Variants in EIPR1 observed in about 807,000 individuals in gnomAD.
The protein encoded by EIPR1 is EARP complex and GARP complex interacting protein 1.
In EIPR1, 25 loss-of-function variants were observed where a neutral mutation model predicts 48.1. The observed-to-expected ratio is 0.52, with a 90% CI of 0.38 to 0.73. The LOEUF is 0.73. EIPR1 is among the 30% of genes least tolerant of loss of function. EIPR1 has a pLI of 0.00. For synonymous variants in EIPR1, 204 were observed against 201.9 expected, an observed-to-expected ratio of 1.01 and a Z score of -0.09; for missense variants, 415 against 506.2, an observed-to-expected ratio of 0.82 and a Z score of 1.73.
chr2:3,249,111 C>A (rs375645845), intron 4 of EIPR1, among the ~76,000 whole-genome samples: 1 of 152,104 alleles, frequency 6.6e-6, no homozygotes, highest in African/African-American at 2.4e-5. Flanking sequence ...GGGTAACGAG[C>A]GGAGGTTGAA....
At chr2:3,357,357 T>C (rs1670753988) in intron 1 of EIPR1, among the ~76,000 whole-genome samples, 1 of 152,246 alleles carries the variant, frequency 6.6e-6, no homozygotes, top group Non-Finnish European at 1.5e-5. Context: ...ACCCAGTGGC[T>C]GTTGCTGGAT....
At position 3,312,370 on chromosome 2, in the gene EIPR1, G is replaced by C. The variant is rs148351710; in HGVS notation, c.259+25647C>G. Among the ~76,000 whole-genome samples, 1 of 152,172 alleles carries C rather than the reference G, an allele frequency of 6.6e-6. No homozygotes were observed. The highest frequency in any genetic ancestry group is 1.5e-5 in the Non-Finnish European group (1 of 68,034). ...GCATAAAATTGAGTTTCCTGGCAAA[G>C]ACAGTCCCTGGAAGGTTCTGTGTGC... On this transcript the variant is annotated intron_variant, in intron 3 of 8. Coordinates refer to ENST00000382125, the MANE Select transcript of EIPR1 (RefSeq NM_003310.5). This position sits in a 1 kb window ranked among gnomAD's most constrained non-coding sequence, Gnocchi z 5.5.
intron 4 of EIPR1, among the ~76,000 whole-genome samples, chr2:3,214,817 G>A (rs541072454): frequency 3.9e-5 from 6 of 152,324 alleles, no homozygotes; most frequent in African/African-American, 1.4e-4. Context: ...TTGTAAAGTT[G>A]AGAGGCCATA....
intron 4 of EIPR1, among the ~76,000 whole-genome samples, chr2:3,237,945 T>G (rs1346328839): frequency 1.3e-5 from 2 of 152,044 alleles, no homozygotes; most frequent in Non-Finnish European, 2.9e-5. Context: ...CCACGGGGAT[T>G]TGAGAAATCC....
intron 3 of EIPR1, among the ~76,000 whole-genome samples, chr2:3,292,884 T>C (rs1456473250): frequency 7.0e-6 from 1 of 143,762 alleles, no homozygotes; most frequent in Non-Finnish European, 1.5e-5. Flanking sequence ...TAAAACTAAA[T>C]ATAAACCTTA....
intron 4 of EIPR1, among the ~76,000 whole-genome samples, chr2:3,222,574 C>T (rs994406489): frequency 6.6e-6 from 1 of 152,170 alleles, no homozygotes; most frequent in Non-Finnish European, 1.5e-5. Context: ...TCAAGAAATG[C>T]TTCTTGGGTT....
intron 4 of EIPR1, among the ~76,000 whole-genome samples, chr2:3,234,868 G>A (rs1252994849): frequency 6.6e-6 from 1 of 152,228 alleles, no homozygotes; most frequent in Non-Finnish European, 1.5e-5. Flanking sequence ...ACAAGGCCAT[G>A]GCCTCCAAAA....
intron 3 of EIPR1, among the ~76,000 whole-genome samples, chr2:3,268,185 A>G (rs1313376618): frequency 6.6e-6 from 1 of 151,972 alleles, no homozygotes; most frequent in East Asian, 2.0e-4. Context: ...TGGCACCCCA[A>G]GGCTTCCTGC....
chr2:3,296,607 A>G (rs1386524593), intron 3 of EIPR1, among the ~76,000 whole-genome samples: 14 of 130,594 alleles, frequency 1.1e-4, no homozygotes, highest in African/African-American at 3.9e-4. Flanking sequence ...TACACCCTCC[A>G]TCCAGCCCAT....
chr2:3,368,651 G>C (rs1423710121), intron 1 of EIPR1, among the ~76,000 whole-genome samples: 2 of 152,204 alleles, frequency 1.3e-5, no homozygotes, highest in Admixed American at 1.3e-4. Flanking sequence ...ATGATTGCAG[G>C]AGAGAAGTCA....
In EIPR1 at chr2:3,214,142, T is replaced by C. The variant is rs1471113233; in HGVS notation, c.516+7A>G. On this transcript the variant is annotated splice_region_variant and intron_variant, in intron 5 of 8. Transcript: ENST00000382125. ...GAAACAAACGCTGTGTTGTTGCTTTTACTTACCACAGCCTGGCTCGAGCTT... is the reference window on the plus strand; with the variant it reads ...GAAACAAACGCTGTGTTGTTGCTTTCACTTACCACAGCCTGGCTCGAGCTT... The C allele has an allele frequency of 1.2e-6, 2 of 1,612,434 alleles. No individual in the cohort carries two copies. The highest frequency in any genetic ancestry group is 8.5e-7 in the Non-Finnish European group (1 of 1,178,854).
intron 3 of EIPR1, among the ~76,000 whole-genome samples, chr2:3,264,266 C>A (rs1667421481): frequency 6.6e-6 from 1 of 152,168 alleles, no homozygotes; most frequent in Non-Finnish European, 1.5e-5. Flanking sequence ...GGGTTTATTC[C>A]ACTCAAGACC....
intron 3 of EIPR1, among the ~76,000 whole-genome samples, chr2:3,304,813 C>CTCCCGTCCAGTTCAGCCCTCCAG (rs1377754116): frequency 6.6e-5 from 7 of 105,744 alleles, no homozygotes; most frequent in African/African-American, 2.2e-4. Flanking sequence ...CAGCCCTCCA[C>CTCCCGTCCAGTTCAGCCCTCCAG]TCCCGTCCAG....
At chr2:3,319,152 T>A (rs775090101) in intron 3 of EIPR1, 35 of 343,526 alleles carry the variant, frequency 1.0e-4, no homozygotes, top group Non-Finnish European at 1.6e-4. Flanking sequence ...TACATCTCCA[T>A]CCTGCGTGAC....
At chr2:3,210,788 G>T (rs865927778) in intron 5 of EIPR1, among the ~76,000 whole-genome samples, 2 of 151,924 alleles carry the variant, frequency 1.3e-5, no homozygotes, top group African/African-American at 4.8e-5. Context: ...GTGCCACCAC[G>T]CCTGGCTAAT....
At chr2:3,265,744 C>T (rs1305858452) in intron 3 of EIPR1, among the ~76,000 whole-genome samples, 1 of 152,184 alleles carries the variant, frequency 6.6e-6, no homozygotes, top group African/African-American at 2.4e-5. Context: ...GAGAACCACA[C>T]GATACCTAGG....
At chr2:3,227,359 G>A (rs1666097115) in intron 4 of EIPR1, among the ~76,000 whole-genome samples, 1 of 152,194 alleles carries the variant, frequency 6.6e-6, no homozygotes, top group Non-Finnish European at 1.5e-5. Flanking sequence ...CACTTGCTAT[G>A]CTTTAGCAAA....
At chr2:3,201,589 G>A (rs552314404) in intron 5 of EIPR1, among the ~76,000 whole-genome samples, 13 of 152,268 alleles carry the variant, frequency 8.5e-5, no homozygotes, top group Non-Finnish European at 1.3e-4. Flanking sequence ...AAGCTCCAAG[G>A]AACCATATAG....
At chr2:3,337,168 C>T (rs11885038) in intron 3 of EIPR1, among the ~76,000 whole-genome samples, 37,200 of 151,648 alleles carry the variant, frequency 0.25, 4,822 homozygotes, top group Non-Finnish European at 0.27. Flanking sequence ...AAGGGAAACA[C>T]ACACAGAACC....
Sources: gnomAD v4.1 joint callset for allele counts (sites outside exome capture counted in the v4.1 genomes callset) on GRCh38, gnomAD v4.1.1 for gene constraint, Gnocchi (gnomAD v3.1) non-coding constraint, MANE v1.5 for transcripts, NCBI Gene and HGNC (gene_info 2026-07-23, HGNC 2026-07-21) for gene names.